Variants in ERBB4 observed in about 807,000 individuals in gnomAD.
ERBB4 encodes erb-b2 receptor tyrosine kinase 4, also known as receptor tyrosine-protein kinase erbB-4.
A neutral mutation model predicts 158.0 loss-of-function variants in ERBB4; 42 were observed. That is an observed-to-expected ratio of 0.27 (90% CI 0.21 to 0.34). The LOEUF (loss-of-function observed/expected upper bound fraction) is 0.34. Ranked by LOEUF, ERBB4 falls within the 10% of genes least tolerant of loss-of-function variation. The pLI is 1.00. For synonymous variants in ERBB4, 583 were observed against 558.7 expected (o/e 1.04, Z -0.61); for missense variants, 1,333 against 1,624.1 (o/e 0.82, Z 3.08).
intron 1 of ERBB4, among the ~76,000 whole-genome samples, chr2:212,192,431 C>T (rs1028427600): frequency 1.7e-4 from 26 of 151,698 alleles, no homozygotes; most frequent in African/African-American, 5.6e-4. Context: ...ATACCATCAG[C>T]CCATGTATAT....
At chr2:211,555,590 T>C (rs893911943) in intron 20 of ERBB4, among the ~76,000 whole-genome samples, 5 of 152,122 alleles carry the variant, frequency 3.3e-5, no homozygotes, top group Non-Finnish European at 7.4e-5. Context: ...AAATACTTCC[T>C]TATAAGGAAG....
At chr2:212,059,280 T>G (rs542119837) in intron 2 of ERBB4, among the ~76,000 whole-genome samples, 4 of 152,040 alleles carry the variant, frequency 2.6e-5, no homozygotes, top group East Asian at 3.9e-4. Flanking sequence ...CACTGCTCAA[T>G]GAAATAAAAG....
intron 1 of ERBB4, among the ~76,000 whole-genome samples, chr2:212,196,292 A>G (rs945003146): frequency 2.0e-5 from 3 of 152,150 alleles, no homozygotes; most frequent in African/African-American, 7.2e-5. Context: ...AAGATAAAAT[A>G]TATTTACTAT....
At chr2:212,394,780 G>A (rs2090976099) in intron 1 of ERBB4, among the ~76,000 whole-genome samples, 1 of 152,056 alleles carries the variant, frequency 6.6e-6, no homozygotes, top group Non-Finnish European at 1.5e-5. Flanking sequence ...TGAAGACATA[G>A]AGAAAACTGA....
intron 3 of ERBB4, among the ~76,000 whole-genome samples, chr2:211,886,525 C>T (rs142121942): frequency 0.011 from 1,637 of 152,180 alleles, 22 homozygotes; most frequent in African/African-American, 0.037. Flanking sequence ...TAAAAATAAA[C>T]ATGTGCCCAC....
At chr2:212,384,914 T>C (rs1391130958) in intron 1 of ERBB4, among the ~76,000 whole-genome samples, 1 of 142,278 alleles carries the variant, frequency 7.0e-6, no homozygotes, top group African/African-American at 2.6e-5. Context: ...TATATATATA[T>C]ATATATACAC....
At chr2:212,319,216 T>C (rs2087442954) in intron 1 of ERBB4, among the ~76,000 whole-genome samples, 3 of 151,636 alleles carry the variant, frequency 2.0e-5, no homozygotes, top group Admixed American at 2.0e-4. Context: ...ACAAACAAAA[T>C]ATGTCTAACA....
intron 2 of ERBB4, among the ~76,000 whole-genome samples, chr2:212,023,924 CTT>C (rs75077968): frequency 2.8e-5 from 4 of 142,614 alleles, no homozygotes; most frequent in Non-Finnish European, 4.6e-5. Context: ...AAAATATTGG[CTT>C]TTTTTTTTTA....
chr2:211,435,823 G>C (rs1056491767), intron 20 of ERBB4, among the ~76,000 whole-genome samples: 1 of 152,204 alleles, frequency 6.6e-6, no homozygotes, highest in Non-Finnish European at 1.5e-5. Context: ...CTAATGCATG[G>C]TAGAAGTTGG....
intron 8 of ERBB4, among the ~76,000 whole-genome samples, chr2:211,712,822 CAG>C (rs2073752854): frequency 1.3e-5 from 2 of 151,822 alleles, no homozygotes; most frequent in South Asian, 2.1e-4. Context: ...AAGGAAGAAA[CAG>C]AGAGGGAGAG....
intron 1 of ERBB4, among the ~76,000 whole-genome samples, chr2:212,135,213 A>C (rs919759695): frequency 3.3e-5 from 5 of 152,156 alleles, no homozygotes; most frequent in African/African-American, 1.2e-4. Flanking sequence ...AGAGCTCTCA[A>C]AATTCTTAAG....
chr2:211,604,802 T>G (rs1018269047), intron 19 of ERBB4, among the ~76,000 whole-genome samples: 2 of 152,216 alleles, frequency 1.3e-5, no homozygotes, highest in Admixed American at 1.3e-4. Flanking sequence ...AATAAAACCC[T>G]GTAGTATTAA....
At chr2:211,894,702 T>C (rs1559622864) in intron 3 of ERBB4, among the ~76,000 whole-genome samples, 1 of 152,140 alleles carries the variant, frequency 6.6e-6, no homozygotes, top group Non-Finnish European at 1.5e-5. Flanking sequence ...TCTTATTCAA[T>C]GACACCAAAC....
At chr2:211,769,076 G>C in intron 4 of ERBB4, among the ~76,000 whole-genome samples, 1 of 152,118 alleles carries the variant, frequency 6.6e-6, no homozygotes, top group Non-Finnish European at 1.5e-5. Context: ...TTGCTGTTTA[G>C]AAATTTCTTC....
intron 5 of ERBB4, among the ~76,000 whole-genome samples, chr2:211,737,333 C>T (rs1215219967): frequency 6.6e-6 from 1 of 152,158 alleles, no homozygotes; most frequent in East Asian, 1.9e-4. Flanking sequence ...ATTATCCCAT[C>T]AATCCACATT....
intron 1 of ERBB4, among the ~76,000 whole-genome samples, chr2:212,438,345 T>G (rs1210041622): frequency 2.6e-5 from 4 of 152,096 alleles, no homozygotes; most frequent in Non-Finnish European, 5.9e-5. Context: ...TACCATTAAA[T>G]GTTGGTTCTT....
At chr2:211,522,766 C>G (rs1264655411) in intron 20 of ERBB4, among the ~76,000 whole-genome samples, 1 of 152,032 alleles carries the variant, frequency 6.6e-6, no homozygotes, top group East Asian at 1.9e-4. Context: ...CTTTTTTTAG[C>G]AATAAAGTAT....
intron 12 of ERBB4, among the ~76,000 whole-genome samples, chr2:211,697,496 G>T (rs1370271921): frequency 1.3e-5 from 2 of 152,002 alleles, no homozygotes; most frequent in Non-Finnish European, 2.9e-5. Context: ...CAAATTACCA[G>T]TAAGAGAGGA....
At chr2:212,359,487 A>T (rs1160251653) in intron 1 of ERBB4, among the ~76,000 whole-genome samples, 1 of 151,126 alleles carries the variant, frequency 6.6e-6, no homozygotes, top group African/African-American at 2.4e-5. Context: ...GGGCTAATGT[A>T]TCTGTTTTTT....
Sources: gnomAD v4.1 joint callset for allele counts (sites outside exome capture counted in the v4.1 genomes callset) on GRCh38, gnomAD v4.1.1 for gene constraint, MANE v1.5 for transcripts, NCBI Gene and HGNC (gene_info 2026-07-23, HGNC 2026-07-21) for gene names.